SPOCK1: variants seen among roughly 807,000 people sequenced by gnomAD.
SPOCK1 encodes the protein testican-1.
In SPOCK1, 23 loss-of-function variants were observed where a neutral mutation model predicts 55.3. That is an observed-to-expected ratio of 0.42 (90% CI 0.30 to 0.59). SPOCK1 has a LOEUF of 0.59. SPOCK1 is among the 20% of genes least tolerant of loss of function. The pLI, the probability that SPOCK1 is intolerant of heterozygous loss-of-function variation, is 0.22. For synonymous variants in SPOCK1, 226 were observed against 221.0 expected (o/e 1.02, Z -0.20); for missense variants, 499 against 552.5 (o/e 0.90, Z 0.97).
intron 3 of SPOCK1, 51 bp from the exon 4 acceptor site, chr5:137,140,745 T>A: frequency 2.0e-6 from 2 of 983,542 alleles, no homozygotes; most frequent in Non-Finnish European, 2.8e-6. Flanking sequence ...CAGGGAAATT[T>A]AATTTTTTTT....
At chr5:137,413,396 C>T (rs1382633115) in intron 2 of SPOCK1, among the ~76,000 whole-genome samples, 28 of 152,158 alleles carry the variant, frequency 1.8e-4, no homozygotes, top group Non-Finnish European at 1.5e-5. Flanking sequence ...ATTTTACCAA[C>T]TTCTCTTATT....
chr5:137,269,301 A>T (rs1756915465), intron 2 of SPOCK1, among the ~76,000 whole-genome samples: 1 of 152,224 alleles, frequency 6.6e-6, no homozygotes, highest in Admixed American at 6.5e-5. Context: ...AAGAAAAATG[A>T]TTCTCTGCAT....
chr5:137,253,515 T>G (rs1756577516), intron 3 of SPOCK1, among the ~76,000 whole-genome samples: 1 of 152,214 alleles, frequency 6.6e-6, no homozygotes. Context: ...TCAACAGTCC[T>G]GCCTTATCAC....
intron 6 of SPOCK1, among the ~76,000 whole-genome samples, chr5:137,003,500 T>C (rs1013758204): frequency 6.6e-6 from 1 of 152,214 alleles, no homozygotes; most frequent in African/African-American, 2.4e-5. Flanking sequence ...TATATACATC[T>C]CAAGGGATGA....
intron 3 of SPOCK1, among the ~76,000 whole-genome samples, chr5:137,188,381 A>G (rs1004503965): frequency 5.3e-5 from 8 of 152,304 alleles, no homozygotes; most frequent in East Asian, 3.9e-4. Context: ...TTCAAACAGC[A>G]TGTGCTCACT....
intron 2 of SPOCK1, among the ~76,000 whole-genome samples, chr5:137,279,584 C>T (rs537180934): frequency 1.8e-4 from 28 of 152,312 alleles, no homozygotes; most frequent in African/African-American, 5.3e-4. Flanking sequence ...AGCCCAGGTG[C>T]AACAACAGAG....
intron 10 of SPOCK1, 84 bp from the exon 11 acceptor site, chr5:136,978,928 G>A: frequency 1.4e-6 from 2 of 1,403,508 alleles, no homozygotes; most frequent in South Asian, 1.4e-5. Context: ...TGAATTGTAG[G>A]GTAAAACCAA....
At chr5:137,405,060 G>A (rs750821646) in intron 2 of SPOCK1, among the ~76,000 whole-genome samples, 1 of 152,132 alleles carries the variant, frequency 6.6e-6, no homozygotes, top group East Asian at 1.9e-4. Context: ...CAACACAACC[G>A]TATCAAAGAT....
Position 137,388,315 on chromosome 5 carries a change from A to G in SPOCK1, c.186+110058T>C, listed in dbSNP as rs1443716759. ...ATATAAGCACATGGCAGACCAAGAA[A>G]CCCCACTGAAAACAGATACTCTTTC... is the stretch of plus-strand genomic sequence containing the variant. On this transcript the variant is annotated intron_variant, in intron 2 of 10. Transcript: ENST00000394945. Among the ~76,000 whole-genome samples, 8 of 142,402 alleles carry G rather than the reference A, an allele frequency of 5.6e-5. No homozygotes were observed. The East Asian group carries it at 1.8e-3, about 31-fold the overall frequency. 93.4% of individuals were successfully genotyped at this position (142,402 alleles called of 152,430 possible).
intron 3 of SPOCK1, among the ~76,000 whole-genome samples, chr5:137,235,541 A>G (rs1756162908): frequency 6.6e-6 from 1 of 152,256 alleles, no homozygotes; most frequent in African/African-American, 2.4e-5. Flanking sequence ...AGAAATGAGT[A>G]TGGGCAGAAA....
At chr5:137,117,287 A>C (rs1242211703) in intron 4 of SPOCK1, among the ~76,000 whole-genome samples, 1 of 152,238 alleles carries the variant, frequency 6.6e-6, no homozygotes, top group East Asian at 1.9e-4. Flanking sequence ...TCTGCATAAC[A>C]ATGTCTATTC....
intron 6 of SPOCK1, among the ~76,000 whole-genome samples, chr5:136,997,891 G>T (rs905531138): frequency 7.9e-5 from 12 of 152,118 alleles, no homozygotes; most frequent in Non-Finnish European, 1.5e-4. Context: ...CAGCACTGGG[G>T]ACCCAGCATC....
chr5:137,444,590 C>A (rs1753082373), intron 2 of SPOCK1, among the ~76,000 whole-genome samples: 1 of 152,208 alleles, frequency 6.6e-6, no homozygotes, highest in African/African-American at 2.4e-5. Context: ...ACCTCAGCAA[C>A]AAGCTCCTGA....
chr5:137,471,066 G>A (rs1404101840), intron 2 of SPOCK1, among the ~76,000 whole-genome samples: 1 of 152,124 alleles, frequency 6.6e-6, no homozygotes, highest in East Asian at 1.9e-4. Context: ...CCAGCACGTG[G>A]CATGCAGTAA....
intron 6 of SPOCK1, among the ~76,000 whole-genome samples, chr5:137,007,398 T>C (rs866477613): frequency 6.6e-5 from 10 of 151,526 alleles, no homozygotes; most frequent in Non-Finnish European, 1.3e-4. Flanking sequence ...CAATCATCAA[T>C]CTGACAAAGG....
chr5:137,353,959 C>T (rs1415063760), intron 2 of SPOCK1, among the ~76,000 whole-genome samples: 1 of 152,186 alleles, frequency 6.6e-6, no homozygotes, highest in African/African-American at 2.4e-5. Flanking sequence ...ATCTTCCCTC[C>T]TCAACGGCAT....
At chr5:137,486,772 TAAC>T (rs1447629667) in intron 2 of SPOCK1, among the ~76,000 whole-genome samples, 11 of 152,262 alleles carry the variant, frequency 7.2e-5, no homozygotes, top group African/African-American at 2.4e-4. Context: ...ACAATTTCTC[TAAC>T]AACAGTAAAC....
chr5:137,134,528 T>A (rs868501615), intron 4 of SPOCK1, among the ~76,000 whole-genome samples: 1 of 152,188 alleles, frequency 6.6e-6, no homozygotes, highest in Non-Finnish European at 1.5e-5. Flanking sequence ...CCCAAAGCAA[T>A]GCATGAGCCA....
chr5:137,415,517 A>T (rs1263378317), intron 2 of SPOCK1, among the ~76,000 whole-genome samples: 1 of 152,234 alleles, frequency 6.6e-6, no homozygotes, highest in Non-Finnish European at 1.5e-5. Flanking sequence ...CTCTCCCTCC[A>T]TTGTGAAGAA....
Sources: allele counts gnomAD v4.1 joint callset (sites outside exome capture counted in the v4.1 genomes callset), GRCh38; gene constraint gnomAD v4.1.1; transcripts MANE v1.5; gene names NCBI Gene and HGNC (gene_info 2026-07-23, HGNC 2026-07-21).